SLC25A3: variants seen among roughly 807,000 people sequenced by gnomAD.
SLC25A3 encodes solute carrier family 25 member 3.
In SLC25A3, 14 loss-of-function variants were observed where a neutral mutation model predicts 37.1. The ratio of observed to expected loss-of-function variants is 0.38; its 90% CI spans 0.25 to 0.59. SLC25A3 has a LOEUF of 0.59. Among genes scored for constraint, SLC25A3 ranks in the 20% least tolerant of loss-of-function variants. The probability of loss-of-function intolerance (pLI) is 0.67; values close to 1 mark genes in which losing one functional copy is unlikely to be tolerated. For missense variants in SLC25A3, 385 were observed against 458.1 expected, an observed-to-expected ratio of 0.84 and a Z score of 1.46; for synonymous variants, 161 against 168.7, an observed-to-expected ratio of 0.95 and a Z score of 0.36.
intron 6 of SLC25A3, chr12:98,600,918 C>T (rs2097597336): frequency 7.2e-6 from 3 of 417,920 alleles, no homozygotes; most frequent in Non-Finnish European, 1.3e-5. Context: ...ATTGATCTTA[C>T]TGTTGCACCA....
intron 2 of SLC25A3, 74 bp from the exon 3 acceptor site, chr12:98,595,653 G>T: frequency 6.2e-7 from 1 of 1,613,500 alleles, no homozygotes; most frequent in Non-Finnish European, 8.5e-7. Context: ...AAACCTAACT[G>T]TCCAGGAGGT....
intron 2 of SLC25A3, chr12:98,595,490 G>T: frequency 6.2e-7 from 1 of 1,613,720 alleles, no homozygotes; most frequent in Non-Finnish European, 8.5e-7. Context: ...GGACTTGGAG[G>T]AATTATTAGC....
In SLC25A3 at chr12:98,598,408, A is replaced by G. The variant is rs530358551; in HGVS notation, c.460-114A>G. On this transcript the variant is annotated intron_variant, in intron 4 of 7. Transcript: ENST00000552981. ...TGAGACCACATATATATTCCATATCATCGTGTGTTACTTTATAAAATGTCT... is the reference window on the plus strand; with the variant it reads ...TGAGACCACATATATATTCCATATCGTCGTGTGTTACTTTATAAAATGTCT... The G allele has an allele frequency of 6.6e-6, 10 of 1,522,214 alleles. No homozygotes were observed. The South Asian group carries it at 9.3e-5, about 14-fold the overall frequency. 94.3% of individuals were successfully genotyped at this position (1,522,214 alleles called of 1,614,324 possible). A position where few individuals can be genotyped will look rare whatever the true frequency, so the allele number is the denominator to read the frequency against.
At chr12:98,598,785 TG>T (rs2097595247) in intron 5 of SLC25A3, 82 bp downstream of exon 5, 1 of 1,351,268 alleles carries the variant, frequency 7.4e-7, no homozygotes. Flanking sequence ...TTTTTTGTTT[TG>T]TTTTTTTGAG....
chr12:98,593,903 G>A lies in SLC25A3; in HGVS notation c.-4-72G>A, dbSNP rs1258576340. 6.0e-5 allele frequency: 94 copies of A among 1,569,734 alleles called. No individual in the cohort carries two copies. In the East Asian group the frequency reaches 1.7e-3, roughly 28 times the overall value. ...AGACGGGAAGGAAAAGGCCCCGGTT[G>A]GGGTTCCAGGGCGCCGGTAACGTTA... is the stretch of plus-strand genomic sequence containing the variant. On this transcript the variant is annotated intron_variant, in intron 1 of 7. Coordinates refer to ENST00000552981, the MANE Select transcript of SLC25A3 (RefSeq NM_002635.4).
Position 98,601,252 on chromosome 12 carries a change from C to T in SLC25A3, c.896C>T (p.Ser299Phe), listed in dbSNP as rs1396303868. Residue 299 changes from serine to phenylalanine, a missense_variant, in exon 7 of 8, where the codon TCT (serine) becomes TTT (phenylalanine). Coordinates refer to ENST00000552981, the MANE Select transcript of SLC25A3 (RefSeq NM_002635.4). Reference sequence around the variant, plus strand: ...AATAAAGAAAAAGGTAGCAGTGCTTCTCTGGTCCTCAAGAGACTTGGATTT... The same window carrying T: ...AATAAAGAAAAAGGTAGCAGTGCTTTTCTGGTCCTCAAGAGACTTGGATTT... Reference protein sequence around the residue: ...VLNKEKGSSASLVLKRLGFKG... With the variant: ...VLNKEKGSSAFLVLKRLGFKG... The T allele has an allele frequency of 6.2e-7, 1 of 1,614,068 alleles. No homozygotes were observed. Among genetic ancestry groups the T allele is most frequent in the Non-Finnish European group, 8.5e-7 (1 of 1,180,000 alleles).
rs1257788950 is a variant in SLC25A3 at position 98,602,795 on chromosome 12, A to G, written c.*1267A>G. 6.6e-6 allele frequency: 1 copy of G among 152,256 alleles called. No homozygotes were observed. The highest frequency in any genetic ancestry group is 1.9e-4 in the East Asian group (1 of 5,202). The allele number at this position is 152,256 out of a possible 1,614,324, so 9.4% of individuals were successfully genotyped here. A position where few individuals can be genotyped will look rare whatever the true frequency, so the allele number is the denominator to read the frequency against. The stretch of plus-strand genomic sequence containing the variant: ...GATTTTACCTAGAGTCCTTATGTGT[A>G]ATACGTGGGTTGGTTAACAGTCCCT... On this transcript the variant is annotated 3_prime_UTR_variant, in exon 8 of 8. Coordinates refer to ENST00000552981, the MANE Select transcript of SLC25A3 (RefSeq NM_002635.4).
At chr12:98,594,457 C>T in intron 2 of SLC25A3, 2 of 660,708 alleles carry the variant, frequency 3.0e-6, no homozygotes, top group Non-Finnish European at 5.5e-6. Context: ...TGGGTAAACT[C>T]TCCTCCCGAA....
At position 98,604,844 on chromosome 12, in the gene SLC25A3, C is replaced by T. The variant is rs1273583250; in HGVS notation, c.*3316C>T. The T allele has an allele frequency of 6.6e-6, 1 of 152,662 alleles. No individual in the cohort carries two copies. The highest frequency in any genetic ancestry group is 2.4e-5 in the African/African-American group (1 of 41,454). The allele number at this position is 152,662 out of a possible 1,614,324, so 9.5% of individuals were successfully genotyped here. On this transcript the variant is annotated 3_prime_UTR_variant, in exon 8 of 8. Coordinates refer to ENST00000552981, the MANE Select transcript of SLC25A3 (RefSeq NM_002635.4). ...TGGCACGATGATAGCTCACTGCAGC[C>T]TCGATCTCCCAAGCTCAAGTGATCC...
rs2097598949 is a variant in SLC25A3 at position 98,602,876 on chromosome 12, A to G, written c.*1348A>G. ...AAACTTTTTCAGAGATTGGAGAGAAATGTTACTACAAACTCATGGTAAGGT... is the reference window on the plus strand; with the variant it reads ...AAACTTTTTCAGAGATTGGAGAGAAGTGTTACTACAAACTCATGGTAAGGT... On this transcript the variant is annotated 3_prime_UTR_variant, in exon 8 of 8. Transcript: ENST00000552981. 6.6e-6 allele frequency: 1 copy of G among 152,230 alleles called. No homozygotes were observed. The highest frequency in any genetic ancestry group is 2.4e-5 in the African/African-American group (1 of 41,458). The allele number at this position is 152,230 out of a possible 1,614,324, so 9.4% of individuals were successfully genotyped here.
rs751633669 is a variant in SLC25A3 at position 98,601,387 on chromosome 12, T to C, written c.945T>C (p.Phe315=). The stretch of plus-strand genomic sequence containing the variant: ...AACCAGGTGTATGGAAGGGACTGTT[T>C]GCCCGTATCATCATGATTGGTACCC... ...LGFKGVWKGL[F]ARIIMIGTLT... The change falls in exon 8 of 8, where the codon TTT becomes TTC. Residue 315 remains phenylalanine (F), a synonymous_variant. Coordinates refer to ENST00000552981, the MANE Select transcript of SLC25A3 (RefSeq NM_002635.4). 2.5e-6 allele frequency: 4 copies of C among 1,614,116 alleles called. No individual in the cohort carries two copies. Among genetic ancestry groups the C allele is most frequent in the Middle Eastern group, 1.6e-4 (1 of 6,062 alleles).
rs758471384 is a variant in SLC25A3 at position 98,601,215 on chromosome 12, G to A, written c.859G>A (p.Val287Ile). The A allele has an allele frequency of 2.5e-6, 4 of 1,613,790 alleles. No homozygotes were observed. In the East Asian group the frequency reaches 8.9e-5, roughly 36 times the overall value. Residue 287 changes from valine to isoleucine, a missense_variant, in exon 7 of 8, where the codon GTA (valine) becomes ATA (isoleucine). Physicochemically the swap from Val to Ile is conservative, Grantham distance 29. This residue lies in a region of SLC25A3 where 276 missense variants were observed against 367.6 expected (regional missense o/e 0.75). Coordinates refer to ENST00000552981, the MANE Select transcript of SLC25A3 (RefSeq NM_002635.4). ...TGTTTCTCACCCTGCTGATTCTGTG[G>A]TATCTGTGTTGAATAAAGAAAAAGG... ...AIVSHPADSV[V>I]SVLNKEKGSS...
Position 98,605,416 on chromosome 12 carries a change from A to T in SLC25A3, c.*3888A>T, listed in dbSNP as rs998332246. 19 of 150,764 alleles carry T rather than the reference A, an allele frequency of 1.3e-4. No homozygotes were observed. The highest frequency in any genetic ancestry group is 7.3e-4 in the Admixed American group (11 of 15,076). The allele number at this position is 150,764 out of a possible 1,614,324, so 9.3% of individuals were successfully genotyped here. A position where few individuals can be genotyped will look rare whatever the true frequency, so the allele number is the denominator to read the frequency against. On this transcript the variant is annotated 3_prime_UTR_variant, in exon 8 of 8. Transcript: ENST00000552981. Reference sequence around the variant, plus strand: ...AGAGTGAAACCCTGTCTCAAAAAAAAAGTAACATTTCTATATGATTTTTGG... The same window carrying T: ...AGAGTGAAACCCTGTCTCAAAAAAATAGTAACATTTCTATATGATTTTTGG...
rs2097598145 is a variant in SLC25A3, at chr12:98,601,807, T to C, written c.*279T>C. 1 of 365,988 alleles carries C rather than the reference T, an allele frequency of 2.7e-6. No homozygotes were observed. Among genetic ancestry groups the C allele is most frequent in the Admixed American group, 4.3e-5 (1 of 23,032 alleles). The allele number at this position is 365,988 out of a possible 1,614,324, so 22.7% of individuals were successfully genotyped here. Reference sequence around the variant, plus strand: ...ATAAGTTAAGGAAAAAATACAAAACTGACCATGACCATTGTTGGTTGAATA... The same window carrying C: ...ATAAGTTAAGGAAAAAATACAAAACCGACCATGACCATTGTTGGTTGAATA... On this transcript the variant is annotated 3_prime_UTR_variant, in exon 8 of 8. Transcript: ENST00000552981.
In SLC25A3 at chr12:98,599,219, G is replaced by A. The variant is rs112230308; in HGVS notation, c.641+516G>A. Among the ~76,000 whole-genome samples, 1,177 of 151,960 alleles carry A rather than the reference G, an allele frequency of 7.7e-3. 20 individuals are homozygous for A. Among genetic ancestry groups the A allele is most frequent in the African/African-American group, 0.025 (1,052 of 41,454 alleles). On this transcript the variant is annotated intron_variant, in intron 5 of 7. Coordinates refer to ENST00000552981, the MANE Select transcript of SLC25A3 (RefSeq NM_002635.4). ...TGGGATTACAGGCATGCACCACCAC[G>A]CCTGGCTAATTTTGTATTTTTAGTA...
In SLC25A3 at chr12:98,594,142, T is replaced by A; in HGVS notation, c.157+7T>A. 1 of 1,606,382 alleles carries A rather than the reference T, an allele frequency of 6.2e-7. No homozygotes were observed. The highest frequency in any genetic ancestry group is 8.5e-7 in the Non-Finnish European group (1 of 1,176,210). On this transcript the variant is annotated splice_region_variant and intron_variant, in intron 2 of 7. Transcript: ENST00000552981. The stretch of plus-strand genomic sequence containing the variant: ...GCAGCCGCCGCCGTGGAAGGTGAGA[T>A]CAGACCCTGCCCAATACAGTCGTGT...
At chr12:98,596,185 T>C (rs1423482356) in intron 3 of SLC25A3, among the ~76,000 whole-genome samples, 1 of 152,230 alleles carries the variant, frequency 6.6e-6, no homozygotes, top group African/African-American at 2.4e-5. Flanking sequence ...CTGTGTATTA[T>C]GTGAAGTAAC....
In SLC25A3 at chr12:98,602,284, C is replaced by A. The variant is rs147211630; in HGVS notation, c.*756C>A. 4.5e-3 allele frequency: 687 copies of A among 152,652 alleles called. 2 individuals are homozygous for A. The highest frequency in any genetic ancestry group is 7.0e-3 in the Non-Finnish European group (476 of 68,350). The allele number at this position is 152,652 out of a possible 1,614,324, so 9.5% of individuals were successfully genotyped here. ...GGTTCAAGCGATTGTTCTGCCTCAGCCTCCCAAGTAGCTGGGATTTCAGGC... is the reference window on the plus strand; with the variant it reads ...GGTTCAAGCGATTGTTCTGCCTCAGACTCCCAAGTAGCTGGGATTTCAGGC... On this transcript the variant is annotated 3_prime_UTR_variant, in exon 8 of 8. Transcript: ENST00000552981.
Position 98,596,888 on chromosome 12 carries a change from G to A in SLC25A3, c.280-968G>A, listed in dbSNP as rs143104305. ...ATACAAAAATTAGCTGGGCATGGTG[G>A]CGTGCCTGTAGTCGCAGCTACTCGG... On this transcript the variant is annotated intron_variant, in intron 3 of 7. Transcript: ENST00000552981. Among the ~76,000 whole-genome samples the A allele has an allele frequency of 4.9e-3, 739 of 152,200 alleles. 6 individuals carry two copies. The highest frequency in any genetic ancestry group is 0.017 in the African/African-American group (691 of 41,520).
Sources: allele counts gnomAD v4.1 joint callset (sites outside exome capture counted in the v4.1 genomes callset), GRCh38; gene constraint gnomAD v4.1.1; regional missense constraint gnomAD v4.1.1; transcripts MANE v1.5; gene names NCBI Gene and HGNC (gene_info 2026-07-23, HGNC 2026-07-21).